The following RUNX1 variants were observed in gnomAD, a reference collection of about 807,000 sequenced individuals.
The protein encoded by RUNX1 is runt-related transcription factor 1.
RUNX1 carries 19 observed loss-of-function variants against 42.8 expected under a neutral mutation model. The ratio of observed to expected loss-of-function variants is 0.44; its 90% CI spans 0.31 to 0.65. The LOEUF (loss-of-function observed/expected upper bound fraction) is 0.65, where lower values mean the gene tolerates loss of function less well. Ranked by LOEUF, RUNX1 falls within the 30% of genes least tolerant of loss-of-function variation. The pLI is 0.07. For synonymous variants in RUNX1, 271 were observed against 289.4 expected (o/e 0.94, Z 0.64); for missense variants, 528 against 672.0 (o/e 0.79, Z 2.37).
At chr21:35,029,834 A>C (rs1433182659) in intron 2 of RUNX1, among the ~76,000 whole-genome samples, 1 of 152,110 alleles carries the variant, frequency 6.6e-6, no homozygotes, top group Non-Finnish European at 1.5e-5. Flanking sequence ...TCCTACAACC[A>C]CGATCCTGGT....
intron 7 of RUNX1, among the ~76,000 whole-genome samples, chr21:34,802,016 A>T (rs1223030119): frequency 1.3e-5 from 2 of 152,292 alleles, no homozygotes; most frequent in East Asian, 3.9e-4. Context: ...ATGGTGACAG[A>T]GCAGGATTCT....
intron 3 of RUNX1, chr21:34,889,679 C>A: frequency 8.6e-7 from 1 of 1,159,142 alleles, no homozygotes; most frequent in Non-Finnish European, 1.1e-6. Context: ...GAACCCACCC[C>A]GGCTTCGCGT....
intron 2 of RUNX1, among the ~76,000 whole-genome samples, chr21:34,920,159 T>C (rs1463865718): frequency 4.6e-5 from 7 of 152,180 alleles, no homozygotes; most frequent in African/African-American, 1.7e-4. Flanking sequence ...TTTACCAATT[T>C]TGGGAATCCC....
chr21:34,870,515 CA>C (rs2146299201), intron 5 of RUNX1, among the ~76,000 whole-genome samples: 1 of 152,324 alleles, frequency 6.6e-6, no homozygotes, highest in African/African-American at 2.4e-5. Flanking sequence ...GAGTAGAGGC[CA>C]GGGGTGCTGT....
At chr21:34,990,387 G>A (rs905414139) in intron 2 of RUNX1, among the ~76,000 whole-genome samples, 2 of 152,154 alleles carry the variant, frequency 1.3e-5, no homozygotes, top group African/African-American at 2.4e-5. Context: ...CCCCAGAATG[G>A]CAGAGCTGCA....
intron 2 of RUNX1, among the ~76,000 whole-genome samples, chr21:34,945,307 C>T (rs2058556278): frequency 1.3e-5 from 2 of 152,318 alleles, no homozygotes. Flanking sequence ...CAAACATATT[C>T]GGGTCCATTT....
intron 2 of RUNX1, among the ~76,000 whole-genome samples, chr21:35,000,748 G>T (rs1174092265): frequency 6.6e-6 from 1 of 152,070 alleles, no homozygotes; most frequent in Non-Finnish European, 1.5e-5. Context: ...TCTCTCAACC[G>T]TCTCTCACAT....
intron 2 of RUNX1, among the ~76,000 whole-genome samples, chr21:34,928,385 C>A (rs1281181544): frequency 6.6e-6 from 1 of 152,076 alleles, no homozygotes; most frequent in African/African-American, 2.4e-5. Context: ...TATCTTGATA[C>A]CCATCTCTAT....
At chr21:34,879,875 A>G (rs142259018) in intron 5 of RUNX1, among the ~76,000 whole-genome samples, 2,551 of 152,298 alleles carry the variant, frequency 0.017, 84 homozygotes, top group African/African-American at 0.058. Flanking sequence ...GAAAAATAAA[A>G]TCACACATGG....
At chr21:34,997,207 T>C (rs1475940382) in intron 2 of RUNX1, among the ~76,000 whole-genome samples, 1 of 152,266 alleles carries the variant, frequency 6.6e-6, no homozygotes, top group Non-Finnish European at 1.5e-5. Flanking sequence ...AATAAAATCA[T>C]GATTTAAACA....
chr21:34,965,366 A>T (rs1031116244), intron 2 of RUNX1, among the ~76,000 whole-genome samples: 2 of 152,172 alleles, frequency 1.3e-5, no homozygotes, highest in African/African-American at 4.8e-5. Flanking sequence ...GAGCGTTTTT[A>T]TGCAATCCTG....
chr21:34,964,580 G>C (rs2058705324), intron 2 of RUNX1, among the ~76,000 whole-genome samples: 1 of 152,076 alleles, frequency 6.6e-6, no homozygotes, highest in South Asian at 2.1e-4. Flanking sequence ...TACTAATCTA[G>C]AATTACAGAC....
intron 6 of RUNX1, among the ~76,000 whole-genome samples, chr21:34,854,970 C>A (rs763145410): frequency 1.3e-5 from 2 of 152,152 alleles, no homozygotes; most frequent in African/African-American, 2.4e-5. Context: ...TTTAATTAAA[C>A]AAACAAACAA....
At chr21:34,998,774 C>G (rs2059017393) in intron 2 of RUNX1, among the ~76,000 whole-genome samples, 1 of 152,152 alleles carries the variant, frequency 6.6e-6, no homozygotes, top group African/African-American at 2.4e-5. Flanking sequence ...GTCTCCTGAC[C>G]TCGTGATCCG....
intron 2 of RUNX1, among the ~76,000 whole-genome samples, chr21:34,927,950 C>T (rs937473361): frequency 2.6e-5 from 4 of 152,268 alleles, no homozygotes; most frequent in African/African-American, 9.6e-5. Flanking sequence ...TTGTAATGCA[C>T]AGGCTATTTA....
intron 2 of RUNX1, among the ~76,000 whole-genome samples, chr21:34,990,881 G>A (rs1455339881): frequency 1.3e-5 from 2 of 152,136 alleles, no homozygotes; most frequent in Non-Finnish European, 2.9e-5. Context: ...GTGAGCCACC[G>A]TGCCCGGCTG....
intron 6 of RUNX1, among the ~76,000 whole-genome samples, chr21:34,837,446 C>T (rs1275259102): frequency 6.6e-6 from 1 of 152,194 alleles, no homozygotes; most frequent in Non-Finnish European, 1.5e-5. Flanking sequence ...ACATCTAATT[C>T]TTACTTTCTG....
rs535914286 is a variant in RUNX1, at chr21:34,949,335, A to G, written c.59-56372T>C. On this transcript the variant is annotated intron_variant, in intron 2 of 8. Transcript: ENST00000675419. ...TTTACTAATGGCAAGATTCAAAAAC[A>G]GTAACCTCTGTCTTATTGAATAGAC... Among the ~76,000 whole-genome samples the G allele has an allele frequency of 5.3e-5, 8 of 152,358 alleles. No homozygotes were observed. The East Asian group carries it at 1.3e-3, about 26-fold the overall frequency.
At chr21:34,812,628 C>T (rs1401624948) in intron 7 of RUNX1, among the ~76,000 whole-genome samples, 1 of 152,154 alleles carries the variant, frequency 6.6e-6, no homozygotes, top group Non-Finnish European at 1.5e-5. Flanking sequence ...AATAAGCAGA[C>T]CTCTGATGAT....
Sources: allele counts gnomAD v4.1 joint callset (sites outside exome capture counted in the v4.1 genomes callset), GRCh38; gene constraint gnomAD v4.1.1; transcripts MANE v1.5; gene names NCBI Gene and HGNC (gene_info 2026-07-23, HGNC 2026-07-21).